The following CFAP54 variants were observed in gnomAD, a reference collection of about 807,000 sequenced individuals.
The protein encoded by CFAP54 is cilia- and flagella-associated protein 54.
Under a neutral mutation model 370.4 loss-of-function variants are expected in CFAP54, and 290 were observed. The observed-to-expected ratio is 0.78, with a 90% confidence interval of 0.71 to 0.86. The LOEUF (loss-of-function observed/expected upper bound fraction) is 0.86, where lower values mean the gene tolerates loss of function less well. Among genes scored for constraint, CFAP54 ranks in the 40% least tolerant of loss-of-function variants. CFAP54 has a pLI of 0.00. For synonymous variants in CFAP54, 1,206 were observed against 1,236.5 expected, an observed-to-expected ratio of 0.98 and a Z score of 0.52; for missense variants, 3,399 against 3,528.7, an observed-to-expected ratio of 0.96 and a Z score of 0.93.
chr12:96,539,355 G>A (rs1047582073), intron 13 of CFAP54, among the ~76,000 whole-genome samples: 28 of 151,826 alleles, frequency 1.8e-4, no homozygotes, highest in Admixed American at 2.6e-4. Flanking sequence ...CCCTGCGCCC[G>A]GCTTCAAGCT....
At chr12:96,672,663 G>T (rs1391839596) in intron 39 of CFAP54, among the ~76,000 whole-genome samples, 1 of 152,168 alleles carries the variant, frequency 6.6e-6, no homozygotes, top group Non-Finnish European at 1.5e-5. Flanking sequence ...GTTTTTTTCA[G>T]AGTACAGTTC....
At chr12:96,851,559 C>T (rs994495489) in intron 66 of CFAP54, among the ~76,000 whole-genome samples, 12 of 151,842 alleles carry the variant, frequency 7.9e-5, no homozygotes, top group Non-Finnish European at 1.3e-4. Context: ...CAAACCCAAG[C>T]GTTTTTAGAA....
At chr12:96,512,301 T>TATATATATA (rs1955178631) in intron 4 of CFAP54, among the ~76,000 whole-genome samples, 2 of 31,122 alleles carry the variant, frequency 6.4e-5, no homozygotes, top group African/African-American at 2.3e-4. Flanking sequence ...GGAACCAATT[T>TATATATATA]TATATATATA....
At chr12:96,674,874 G>T (rs1383219397) in intron 39 of CFAP54, among the ~76,000 whole-genome samples, 2 of 152,122 alleles carry the variant, frequency 1.3e-5, no homozygotes, top group Non-Finnish European at 2.9e-5. Flanking sequence ...TGGGAAAACT[G>T]GCTAGCCATA....
intron 25 of CFAP54, among the ~76,000 whole-genome samples, chr12:96,595,237 T>C (rs1464641068): frequency 1.3e-5 from 2 of 152,060 alleles, no homozygotes; most frequent in African/African-American, 4.8e-5. Context: ...GAGAGTCTCC[T>C]CCAGTATGCT....
At chr12:96,818,474 G>T (rs1007703946) in intron 65 of CFAP54, among the ~76,000 whole-genome samples, 3 of 152,124 alleles carry the variant, frequency 2.0e-5, no homozygotes, top group African/African-American at 7.2e-5. Flanking sequence ...TTCTCCTGGG[G>T]CACAGGAGAC....
intron 50 of CFAP54, among the ~76,000 whole-genome samples, chr12:96,738,937 G>A (rs1008662426): frequency 1.3e-5 from 2 of 152,106 alleles, no homozygotes; most frequent in Non-Finnish European, 2.9e-5. Flanking sequence ...AGAAACAACA[G>A]TCATATTGGA....
chr12:96,586,567 A>G (rs1956077710), intron 22 of CFAP54, among the ~76,000 whole-genome samples: 1 of 152,188 alleles, frequency 6.6e-6, no homozygotes, highest in African/African-American at 2.4e-5. Context: ...CAGAAGGAAC[A>G]GCTAGAGCAA....
At chr12:96,747,800 A>T (rs779386956) in intron 55 of CFAP54, among the ~76,000 whole-genome samples, 51 of 152,334 alleles carry the variant, frequency 3.3e-4, no homozygotes, top group Non-Finnish European at 4.9e-4. Flanking sequence ...TGAAATAATG[A>T]AATGAAATCA....
intron 48 of CFAP54, among the ~76,000 whole-genome samples, chr12:96,713,594 G>C (rs1203954701): frequency 2.6e-5 from 4 of 152,242 alleles, no homozygotes; most frequent in African/African-American, 7.2e-5. Context: ...CTGAAAACTT[G>C]TTATGGTAGA....
At chr12:96,704,452 G>GTGTGTATA (rs1370305562) in intron 46 of CFAP54, among the ~76,000 whole-genome samples, 1 of 61,316 alleles carries the variant, frequency 1.6e-5, no homozygotes, top group Non-Finnish European at 3.2e-5. Flanking sequence ...ATGTATGTGT[G>GTGTGTATA]TATATATATA....
At position 96,547,889 on chromosome 12, in the gene CFAP54, C is replaced by T. The variant is rs1405659061; in HGVS notation, c.2078-13C>T. 1 of 1,413,060 alleles carries T rather than the reference C, an allele frequency of 7.1e-7. No individual in the cohort carries two copies. 87.5% of individuals were successfully genotyped at this position (1,413,060 alleles called of 1,614,324 possible). A position where few individuals can be genotyped will look rare whatever the true frequency, so the allele number is the denominator to read the frequency against. On this transcript the variant is annotated splice_polypyrimidine_tract_variant and intron_variant, in intron 14 of 67. Coordinates refer to ENST00000524981, the MANE Select transcript of CFAP54 (RefSeq NM_001306084.2). Reference sequence around the variant, plus strand: ...CCATCCTTCATTCCCTTCCTCCTTCCTTTCTTTTCCAGATGTACCTTTAAG... The same window carrying T: ...CCATCCTTCATTCCCTTCCTCCTTCTTTTCTTTTCCAGATGTACCTTTAAG...
chr12:96,723,289 T>C (rs369044685), intron 50 of CFAP54, among the ~76,000 whole-genome samples: 1 of 152,022 alleles, frequency 6.6e-6, no homozygotes, highest in Non-Finnish European at 1.5e-5. Flanking sequence ...TATAAATAGA[T>C]GGAAGAGAGA....
intron 19 of CFAP54, among the ~76,000 whole-genome samples, chr12:96,565,384 C>A (rs1416835124): frequency 6.6e-6 from 1 of 151,988 alleles, no homozygotes; most frequent in African/African-American, 2.4e-5. Flanking sequence ...AGACATGCCA[C>A]CATGCCAGAA....
chr12:96,686,193 TAGAAA>T (rs1957328016), intron 42 of CFAP54, among the ~76,000 whole-genome samples: 2 of 152,188 alleles, frequency 1.3e-5, no homozygotes, highest in Admixed American at 1.3e-4. Context: ...TCTTGGCTTG[TAGAAA>T]GGTCACTGTG....
chr12:96,680,384 A>T (rs895425820), intron 40 of CFAP54, among the ~76,000 whole-genome samples: 82 of 152,300 alleles, frequency 5.4e-4, no homozygotes, highest in African/African-American at 1.9e-3. Flanking sequence ...TAGGCTGGAA[A>T]AATCCTGAAC....
chr12:96,586,329 G>A (rs1355814515), intron 22 of CFAP54, among the ~76,000 whole-genome samples: 3 of 152,110 alleles, frequency 2.0e-5, no homozygotes. Flanking sequence ...TGCCATGGTA[G>A]GAGATAGGTA....
At chr12:96,543,393 A>G (rs1003534794) in intron 14 of CFAP54, among the ~76,000 whole-genome samples, 3 of 152,164 alleles carry the variant, frequency 2.0e-5, no homozygotes, top group Non-Finnish European at 4.4e-5. Flanking sequence ...GACCTCTAGG[A>G]TCCCATACAG....
intron 50 of CFAP54, among the ~76,000 whole-genome samples, chr12:96,738,591 G>A (rs1179994602): frequency 7.2e-6 from 1 of 139,526 alleles, no homozygotes; most frequent in African/African-American, 2.7e-5. Flanking sequence ...CTCCAAGCAC[G>A]TCTATGTCTA....
Sources: gnomAD v4.1 joint callset for allele counts (sites outside exome capture counted in the v4.1 genomes callset) on GRCh38, gnomAD v4.1.1 for gene constraint, MANE v1.5 for transcripts, NCBI Gene and HGNC (gene_info 2026-07-23, HGNC 2026-07-21) for gene names.